DCLK1: variants seen among roughly 807,000 people sequenced by gnomAD.
The protein encoded by DCLK1 is serine/threonine-protein kinase DCLK1.
A neutral mutation model predicts 86.2 loss-of-function variants in DCLK1; 16 were observed. The observed-to-expected ratio is 0.19, with a 90% CI of 0.13 to 0.28. The LOEUF (loss-of-function observed/expected upper bound fraction) is 0.28. DCLK1 is among the 10% of genes least tolerant of loss of function. The pLI, the probability that DCLK1 is intolerant of heterozygous loss-of-function variation, is 1.00. For missense variants in DCLK1, 590 were observed against 940.2 expected (o/e 0.63, Z 4.87); for synonymous variants, 369 against 370.5 (o/e 1.00, Z 0.05).
chr13:36,092,720 T>G (rs1884878589), intron 3 of DCLK1, among the ~76,000 whole-genome samples: 1 of 151,798 alleles, frequency 6.6e-6, no homozygotes, highest in South Asian at 2.1e-4. Flanking sequence ...TCTCCTGACC[T>G]CGTGATCCGC....
chr13:35,864,251 G>C (rs1360851215), intron 5 of DCLK1, among the ~76,000 whole-genome samples: 1 of 152,118 alleles, frequency 6.6e-6, no homozygotes, highest in Non-Finnish European at 1.5e-5. Context: ...TCTAAATACA[G>C]GGTATCATTC....
chr13:35,811,071 T>TA lies in DCLK1; in HGVS notation c.1555-104dup. 3 of 1,428,000 alleles carry TA rather than the reference T, an allele frequency of 2.1e-6. 1 individual carries two copies. Among genetic ancestry groups the TA allele is most frequent in the South Asian group, 2.5e-5 (2 of 80,086 alleles). 88.5% of individuals were successfully genotyped at this position (1,428,000 alleles called of 1,614,324 possible). On this transcript the variant is annotated intron_variant, in intron 11 of 16. Transcript: ENST00000360631. ...GTGTTTAAATTTAATGTATAGGAGG[T>TA]AAAAAATAAATTAGGCAATTATGCA...
At chr13:35,859,216 G>T (rs777152321) in intron 5 of DCLK1, among the ~76,000 whole-genome samples, 1 of 152,090 alleles carries the variant, frequency 6.6e-6, no homozygotes, top group Non-Finnish European at 1.5e-5. Flanking sequence ...AGCCAAGCAG[G>T]GCTGAACAAT....
chr13:35,888,203 G>C (rs1000856612), intron 4 of DCLK1, among the ~76,000 whole-genome samples: 1 of 152,060 alleles, frequency 6.6e-6, no homozygotes, highest in African/African-American at 2.4e-5. Context: ...TTAATGAGAA[G>C]TATCCTTCCC....
Position 35,808,215 on chromosome 13 carries a change from G to T in DCLK1, c.1863+9C>A, listed in dbSNP as rs746558531. On this transcript the variant is annotated intron_variant, in intron 14 of 16. Transcript: ENST00000360631. The stretch of plus-strand genomic sequence containing the variant: ...GAATATAGGGAAGAGGAAGGCACTG[G>T]ACACCTACCTTTGCAGAATCGGAAA... The T allele has an allele frequency of 3.7e-6, 6 of 1,612,916 alleles. No individual in the cohort carries two copies. The highest frequency in any genetic ancestry group is 5.1e-6 in the Non-Finnish European group (6 of 1,178,940).
chr13:35,880,573 T>C (rs1366499767), intron 4 of DCLK1, among the ~76,000 whole-genome samples: 1 of 152,208 alleles, frequency 6.6e-6, no homozygotes, highest in Non-Finnish European at 1.5e-5. Context: ...CTGGCAGTAT[T>C]GCCTCAAAAA....
intron 4 of DCLK1, among the ~76,000 whole-genome samples, chr13:35,886,622 A>G (rs1873276288): frequency 6.6e-6 from 1 of 152,182 alleles, no homozygotes; most frequent in South Asian, 2.1e-4. Flanking sequence ...AGTTATGCCT[A>G]TGGGTTTCTA....
intron 3 of DCLK1, among the ~76,000 whole-genome samples, chr13:36,067,927 C>T (rs1883825290): frequency 6.6e-6 from 1 of 152,132 alleles, no homozygotes; most frequent in Non-Finnish European, 1.5e-5. Context: ...TAGGGGACAT[C>T]TGTGTTAGAT....
intron 4 of DCLK1, among the ~76,000 whole-genome samples, chr13:35,886,244 C>T (rs1251352724): frequency 2.0e-5 from 3 of 152,042 alleles, no homozygotes; most frequent in Non-Finnish European, 2.9e-5. Context: ...ATCTCCTGAC[C>T]TCGTGATCTG....
intron 7 of DCLK1, among the ~76,000 whole-genome samples, chr13:35,837,712 G>A (rs1384524718): frequency 6.6e-6 from 1 of 152,048 alleles, no homozygotes; most frequent in Non-Finnish European, 1.5e-5. Flanking sequence ...AAAGCACGTG[G>A]CTTGGGATTT....
intron 5 of DCLK1, among the ~76,000 whole-genome samples, chr13:35,865,201 T>G (rs1346862382): frequency 2.0e-5 from 3 of 152,160 alleles, no homozygotes; most frequent in Non-Finnish European, 4.4e-5. Context: ...AATTTTACTT[T>G]TGCCACTGCA....
At chr13:36,111,795 C>T (rs1885627612) in intron 3 of DCLK1, 74 bp downstream of exon 3, 1 of 1,384,626 alleles carries the variant, frequency 7.2e-7, no homozygotes, top group South Asian at 1.3e-5. Context: ...AAAATGTATG[C>T]TTTAGCCACG....
chr13:35,795,052 G>A (rs2086781201), intron 15 of DCLK1, among the ~76,000 whole-genome samples: 1 of 152,188 alleles, frequency 6.6e-6, no homozygotes, highest in Admixed American at 6.5e-5. Context: ...AAAAGGAGCT[G>A]TTACAAGGCT....
chr13:35,930,112 A>AT (rs1202929819), intron 4 of DCLK1, among the ~76,000 whole-genome samples: 1 of 152,144 alleles, frequency 6.6e-6, no homozygotes, highest in East Asian at 1.9e-4. Flanking sequence ...TTCCACAGGG[A>AT]TTTTCACTTC....
intron 3 of DCLK1, among the ~76,000 whole-genome samples, chr13:35,958,720 T>A (rs1878285205): frequency 6.6e-6 from 1 of 152,236 alleles, no homozygotes; most frequent in Non-Finnish European, 1.5e-5. Context: ...AACACAGTGA[T>A]ATTCAGTACA....
At chr13:36,031,705 G>GT (rs1372336342) in intron 3 of DCLK1, among the ~76,000 whole-genome samples, 1 of 152,220 alleles carries the variant, frequency 6.6e-6, no homozygotes, top group Non-Finnish European at 1.5e-5. Flanking sequence ...GAGGCTGCTG[G>GT]TAAGTGGTTA....
At chr13:36,003,776 C>T (rs932058403) in intron 3 of DCLK1, among the ~76,000 whole-genome samples, 6 of 152,102 alleles carry the variant, frequency 3.9e-5, no homozygotes, top group South Asian at 2.1e-4. Context: ...AAGAGATATA[C>T]GGCCATCCTG....
chr13:36,099,293 A>G (rs1382531702), intron 3 of DCLK1, among the ~76,000 whole-genome samples: 2 of 152,226 alleles, frequency 1.3e-5, no homozygotes, highest in Non-Finnish European at 2.9e-5. Context: ...ATGTGCTAGA[A>G]GTGTTATTAA....
chr13:36,095,186 G>T (rs2322889), intron 3 of DCLK1, among the ~76,000 whole-genome samples: 55,808 of 143,862 alleles, frequency 0.39, 10,673 homozygotes, highest in East Asian at 0.49. Flanking sequence ...TTTTTTTTTT[G>T]TTTTTTTTGT....
Sources: gnomAD v4.1 joint callset for allele counts (sites outside exome capture counted in the v4.1 genomes callset) on GRCh38, gnomAD v4.1.1 for gene constraint, MANE v1.5 for transcripts, NCBI Gene and HGNC (gene_info 2026-07-23, HGNC 2026-07-21) for gene names.